The following MAF variants were observed in gnomAD, a reference collection of about 807,000 sequenced individuals.
MAF encodes transcription factor Maf.
In MAF, 10 loss-of-function variants were observed where a neutral mutation model predicts 22.0. The observed-to-expected ratio is 0.45, with a 90% CI of 0.28 to 0.77. MAF has a LOEUF of 0.77. Among genes scored for constraint, MAF ranks in the 30% least tolerant of loss-of-function variants. MAF has a pLI of 0.12. For synonymous variants in MAF, 337 were observed against 255.8 expected (o/e 1.32, Z -3.03); for missense variants, 544 against 548.4 (o/e 0.99, Z 0.08).
chr16:79,216,604 T>C, the MAF span, among the ~76,000 whole-genome samples: 1 of 152,154 alleles, frequency 6.6e-6, no homozygotes, highest in Non-Finnish European at 1.5e-5. Flanking sequence ...CTAGGTAAAC[T>C]TAAGTTTTCT....
chr16:79,416,607 GT>G, the MAF span, among the ~76,000 whole-genome samples: 1 of 151,998 alleles, frequency 6.6e-6, no homozygotes, highest in Non-Finnish European at 1.5e-5. Flanking sequence ...CCCCACTCCA[GT>G]TTTACAGATG....
chr16:79,446,238 G>C, the MAF span, among the ~76,000 whole-genome samples: 1 of 152,152 alleles, frequency 6.6e-6, no homozygotes, highest in Non-Finnish European at 1.5e-5. Flanking sequence ...GGTTCATAGA[G>C]CACTAGATTA....
At chr16:79,262,539 C>G in the MAF span, among the ~76,000 whole-genome samples, 1,505 of 152,204 alleles carry the variant, frequency 9.9e-3, 12 homozygotes, top group Non-Finnish European at 0.016. Context: ...GAAGGGAGCT[C>G]CAGCAGAGGA....
chr16:79,340,089 A>C, the MAF span, among the ~76,000 whole-genome samples: 1 of 152,278 alleles, frequency 6.6e-6, no homozygotes, highest in Non-Finnish European at 1.5e-5. Context: ...TAACCAAATT[A>C]CTACGGGGAA....
At chr16:79,211,341 G>GTAT in the MAF span, among the ~76,000 whole-genome samples, 2 of 152,270 alleles carry the variant, frequency 1.3e-5, no homozygotes, top group East Asian at 3.9e-4. Context: ...ATTGATATGT[G>GTAT]TATTTATTTT....
rs1913938779 is a variant in MAF, at chr16:79,600,193, G to A, written c.-291C>T. 2 of 362,676 alleles carry A rather than the reference G, an allele frequency of 5.5e-6. No individual in the cohort carries two copies. The highest frequency in any genetic ancestry group is 1.0e-5 in the Non-Finnish European group (2 of 200,658). The allele number at this position is 362,676 out of a possible 1,614,324, so 22.5% of individuals were successfully genotyped here. On this transcript the variant is annotated 5_prime_UTR_variant, in exon 1 of 2. Coordinates refer to ENST00000326043, the MANE Select transcript of MAF (RefSeq NM_005360.5). ...TCGCCTCCTTGCGCGCCGAGCCGGC[G>A]GCTTCAGGCTCGGGAAGATCCTCCG...
chr16:79,491,760 G>A, the MAF span, among the ~76,000 whole-genome samples: 160 of 152,306 alleles, frequency 1.1e-3, no homozygotes, highest in Non-Finnish European at 1.8e-3. Flanking sequence ...GCCCTGAAAA[G>A]TCTCTTCCTA....
At chr16:79,548,788 G>C in the MAF span, among the ~76,000 whole-genome samples, 5 of 152,132 alleles carry the variant, frequency 3.3e-5, no homozygotes, top group African/African-American at 1.2e-4. Flanking sequence ...CATAGAAAAA[G>C]ACCCTGAGTC....
At chr16:79,586,011 A>G in intron 1 of MAF, 1 of 639,012 alleles carries the variant, frequency 1.6e-6, no homozygotes. Context: ...CAAGAACAGT[A>G]TGCTACAGGC....
At chr16:79,429,825 C>T in the MAF span, among the ~76,000 whole-genome samples, 5 of 152,262 alleles carry the variant, frequency 3.3e-5, no homozygotes, top group East Asian at 3.9e-4. Flanking sequence ...CTGTGGTGTA[C>T]GCAACATTCC....
chr16:79,574,901 A>G, the MAF span, among the ~76,000 whole-genome samples: 1 of 152,172 alleles, frequency 6.6e-6, no homozygotes, highest in Non-Finnish European at 1.5e-5. Context: ...TAAAACTCAG[A>G]GTAAAATATG....
At chr16:79,350,037 C>T in the MAF span, among the ~76,000 whole-genome samples, 1 of 152,200 alleles carries the variant, frequency 6.6e-6, no homozygotes, top group Admixed American at 6.5e-5. Flanking sequence ...CCCAGGACTG[C>T]CCCAGCCTGA....
the MAF span, among the ~76,000 whole-genome samples, chr16:79,336,024 C>T: frequency 6.6e-6 from 1 of 152,156 alleles, no homozygotes; most frequent in Admixed American, 6.5e-5. Context: ...AAAGACACCA[C>T]AGGGCTGCGC....
chr16:79,561,585 C>T, the MAF span, among the ~76,000 whole-genome samples: 3 of 151,486 alleles, frequency 2.0e-5, no homozygotes, highest in South Asian at 2.1e-4. Flanking sequence ...TTTGTCCTTG[C>T]GATAGTTTGC....
At chr16:79,596,480 C>CA (rs560620015) in intron 1 of MAF, 26,103 of 1,035,766 alleles carry the variant, frequency 0.025, 298 homozygotes, top group South Asian at 0.032. Flanking sequence ...AGTACAGAAT[C>CA]AAAAAAAAAT....
At chr16:79,409,344 A>C in the MAF span, among the ~76,000 whole-genome samples, 1 of 152,206 alleles carries the variant, frequency 6.6e-6, no homozygotes, top group Non-Finnish European at 1.5e-5. Context: ...AAATCTGTAC[A>C]AGAAGACTCC....
chr16:79,358,638 A>T, the MAF span, among the ~76,000 whole-genome samples: 11 of 152,342 alleles, frequency 7.2e-5, no homozygotes, highest in Non-Finnish European at 1.2e-4. Flanking sequence ...AGGATGTAAA[A>T]AGATAATGTA....
chr16:79,473,321 G>C, the MAF span, among the ~76,000 whole-genome samples: 1 of 152,092 alleles, frequency 6.6e-6, no homozygotes, highest in Non-Finnish European at 1.5e-5. Flanking sequence ...TGGCAACCCA[G>C]GCATTTAATA....
At chr16:79,558,265 G>C in the MAF span, among the ~76,000 whole-genome samples, 1 of 152,110 alleles carries the variant, frequency 6.6e-6, no homozygotes, top group Non-Finnish European at 1.5e-5. Flanking sequence ...TTGAAAAAGT[G>C]AATTGGAAAC....
Sources: gnomAD v4.1 joint callset for allele counts (sites outside exome capture counted in the v4.1 genomes callset) on GRCh38, gnomAD v4.1.1 for gene constraint, MANE v1.5 for transcripts, NCBI Gene and HGNC (gene_info 2026-07-23, HGNC 2026-07-21) for gene names.